The following MEGF6 variants were observed in gnomAD, a reference collection of about 807,000 sequenced individuals.
MEGF6 encodes multiple epidermal growth factor-like domains protein 6.
MEGF6 carries 184 observed loss-of-function variants against 207.1 expected under a neutral mutation model. The ratio of observed to expected loss-of-function variants is 0.89; its 90% CI spans 0.79 to 1.00. The LOEUF is 1.00. Among genes scored for constraint, MEGF6 ranks in the 50% least tolerant of loss-of-function variants. MEGF6 has a pLI of 0.00. For missense variants in MEGF6, 2,282 were observed against 2,202.9 expected, an observed-to-expected ratio of 1.04 and a Z score of -0.72; for synonymous variants, 1,038 against 910.0, an observed-to-expected ratio of 1.14 and a Z score of -2.53.
At position 3,509,184 on chromosome 1, in the gene MEGF6, G is replaced by A; in HGVS notation, c.1419C>T (p.His473=). 1.3e-6 allele frequency: 2 copies of A among 1,578,484 alleles called. No individual in the cohort carries two copies. The highest frequency in any genetic ancestry group is 1.7e-6 in the Non-Finnish European group (2 of 1,162,770). Residue 473 remains histidine (H), a synonymous_variant, in exon 12 of 37, where the codon CAC becomes CAT. Coordinates refer to ENST00000356575, the MANE Select transcript of MEGF6 (RefSeq NM_001409.4). ...GCAGCTCGTCCTGGAGCACGGCAATGTGGGGCAGGGGCCGCACGAAAGGCA... is the reference window on the plus strand; with the variant it reads ...GCAGCTCGTCCTGGAGCACGGCAATATGGGGCAGGGGCCGCACGAAAGGCA... The part of the protein sequence containing the change: ...GELPFVRPLP[H]IAVLQDELPQ...
intron 2 of MEGF6, among the ~76,000 whole-genome samples, chr1:3,601,700 G>C (rs1226062973): frequency 2.6e-5 from 4 of 152,194 alleles, no homozygotes; most frequent in African/African-American, 9.7e-5. Flanking sequence ...ATTGCTTAAC[G>C]GTTTTTTTCT....
intron 4 of MEGF6, among the ~76,000 whole-genome samples, chr1:3,536,987 G>A (rs1205198871): frequency 1.3e-5 from 2 of 152,262 alleles, no homozygotes; most frequent in African/African-American, 4.8e-5. Flanking sequence ...CTGGACACGT[G>A]CCTCTACCTC....
intron 10 of MEGF6, 63 bp from the exon 11 acceptor site, chr1:3,510,055 C>T (rs1393118481): frequency 1.9e-6 from 3 of 1,539,490 alleles, no homozygotes; most frequent in Non-Finnish European, 2.6e-6. Context: ...AAGGCCCCTG[C>T]CCACCCAGTC....
intron 4 of MEGF6, among the ~76,000 whole-genome samples, chr1:3,576,564 G>C (rs1366354591): frequency 2.0e-5 from 3 of 152,104 alleles, no homozygotes; most frequent in African/African-American, 7.2e-5. Flanking sequence ...GTGGAGGAGG[G>C]ACAGGAAGGT....
chr1:3,509,730 T>G, intron 11 of MEGF6, 140 bp downstream of exon 11: 3 of 1,153,490 alleles, frequency 2.6e-6, no homozygotes. Context: ...GCCTCTGAGG[T>G]GTGTTGGCCC....
chr1:3,587,878 AGGAGTGGC>A (rs1643914134), intron 3 of MEGF6, among the ~76,000 whole-genome samples: 1 of 131,700 alleles, frequency 7.6e-6, no homozygotes, highest in Admixed American at 7.6e-5. Flanking sequence ...AGGAGTGGCC[AGGAGTGGC>A]CAGGAGGGGG....
At chr1:3,606,261 AC>A (rs1644248556) in intron 1 of MEGF6, among the ~76,000 whole-genome samples, 1 of 152,098 alleles carries the variant, frequency 6.6e-6, no homozygotes, top group African/African-American at 2.4e-5. Flanking sequence ...CCTGGGCCCC[AC>A]CCTGGACCAC....
chr1:3,538,695 C>CGTGTGTGT (rs1330145759), intron 4 of MEGF6, among the ~76,000 whole-genome samples: 1 of 95,466 alleles, frequency 1.0e-5, no homozygotes, highest in Non-Finnish European at 2.1e-5. Context: ...AGAGCATGTG[C>CGTGTGTGT]CTGTGTGTGT....
Position 3,505,459 on chromosome 1 carries a change from G to T in MEGF6, c.2016C>A (p.Ser672=). Residue 672 remains serine (S), a synonymous_variant, in exon 16 of 37, where the codon TCC becomes TCA. Transcript: ENST00000356575. ...QSCDKRDGSC[S]CKAGFRGERC... ...GCTCGCCCCGGAAGCCAGCCTTGCA[G>T]GAGCAGCTGCCATCCCTCTTGTCAC... 1.9e-6 allele frequency: 3 copies of T among 1,609,450 alleles called. No homozygotes were observed. The highest frequency in any genetic ancestry group is 1.3e-5 in the African/African-American group (1 of 74,376).
At chr1:3,571,538 C>T (rs913523041) in intron 4 of MEGF6, among the ~76,000 whole-genome samples, 3 of 152,092 alleles carry the variant, frequency 2.0e-5, no homozygotes, top group African/African-American at 4.8e-5. Context: ...CCCCCAGACA[C>T]ACTGAGTCCT....
chr1:3,605,595 GAC>G (rs899964315), intron 1 of MEGF6, among the ~76,000 whole-genome samples: 40 of 151,482 alleles, frequency 2.6e-4, no homozygotes, highest in East Asian at 2.5e-3. Context: ...CTCATACAAT[GAC>G]ACACACACAA....
chr1:3,523,938 C>A (rs923482608), intron 5 of MEGF6, among the ~76,000 whole-genome samples, 186 bp downstream of exon 5: 1 of 152,236 alleles, frequency 6.6e-6, no homozygotes, highest in Non-Finnish European at 1.5e-5. Flanking sequence ...CTTTTACCGG[C>A]CTGAGCCTGG....
rs1421407455 is a variant in MEGF6, at chr1:3,496,680, C to A, written c.3717G>T (p.Gly1239=). 1.5e-5 allele frequency: 24 copies of A among 1,569,782 alleles called. No individual in the cohort carries two copies. Among genetic ancestry groups the A allele is most frequent in the Non-Finnish European group, 2.1e-5 (24 of 1,157,872 alleles). ...TGAGGTTGCAGTCCGTCCCGAGGAA[C>A]CCAGTGGGGCAGCGGCAGGCCCCCG... ...AATGACRCPT[G]FLGTDCNLTC... Residue 1239 remains glycine, a synonymous_variant, in exon 29 of 37, where the codon GGG becomes GGT. Transcript: ENST00000356575.
rs1644263647 is a variant in MEGF6, at chr1:3,607,298, T to C, written c.131+3840A>G. Among the ~76,000 whole-genome samples, 3 of 151,348 alleles carry C rather than the reference T, an allele frequency of 2.0e-5. No homozygotes were observed. In the South Asian group the frequency reaches 6.3e-4, roughly 32 times the overall value. On this transcript the variant is annotated intron_variant, in intron 1 of 36. Transcript: ENST00000356575. Reference sequence around the variant, plus strand: ...GTCACTCTCCCGGCCCCTGCCCGCCTGGTGCGCCCTATGTCTCCCCAATAA... The same window carrying C: ...GTCACTCTCCCGGCCCCTGCCCGCCCGGTGCGCCCTATGTCTCCCCAATAA...
At position 3,579,879 on chromosome 1, in the gene MEGF6, A is replaced by G; in HGVS notation, c.427T>C (p.Ser143Pro). The G allele has an allele frequency of 3.2e-6, 5 of 1,540,094 alleles. No individual in the cohort carries two copies. Among genetic ancestry groups the G allele is most frequent in the African/African-American group, 1.4e-5 (1 of 69,720 alleles). Residue 143 changes from serine (S) to proline (P), a missense_variant, in exon 4 of 37, where the codon TCA (serine) becomes CCA (proline). Coordinates refer to ENST00000356575, the MANE Select transcript of MEGF6 (RefSeq NM_001409.4). ...GGGGGACAGTGACACGGCTGGGCTGAGCCTGGCACACAACGGCCACCGTGA... is the reference window on the plus strand; with the variant it reads ...GGGGGACAGTGACACGGCTGGGCTGGGCCTGGCACACAACGGCCACCGTGA... ...CFHGGRCVPG[S>P]AQPCHCPPGF...
rs1293508221 is a variant in MEGF6, at chr1:3,536,463, T to A, written c.482-12217A>T. ...GCGGAGGGCTCTGGGCCGTCCCTCCTGCTAGGCTAGGGAGGAGCCCGGGCG... is the reference window on the plus strand; with the variant it reads ...GCGGAGGGCTCTGGGCCGTCCCTCCAGCTAGGCTAGGGAGGAGCCCGGGCG... On this transcript the variant is annotated intron_variant, in intron 4 of 36. Coordinates refer to ENST00000356575, the MANE Select transcript of MEGF6 (RefSeq NM_001409.4). Among the ~76,000 whole-genome samples the A allele has an allele frequency of 2.6e-5, 4 of 152,248 alleles. 1 individual carries two copies. The highest frequency in any genetic ancestry group is 2.6e-4 in the Admixed American group (4 of 15,308).
rs2101842706 is a variant in MEGF6 at position 3,594,855 on chromosome 1, G to C, written c.376+483C>G. Among the ~76,000 whole-genome samples, 1 of 152,328 alleles carries C rather than the reference G, an allele frequency of 6.6e-6. No homozygotes were observed. Among genetic ancestry groups the C allele is most frequent in the Non-Finnish European group, 1.5e-5 (1 of 68,028 alleles). ...CCAATTGTGCTGGCTACATAACGGA[G>C]AGAGGAAGGAGCGGCTCCCTTACAC... On this transcript the variant is annotated intron_variant, in intron 3 of 36. Transcript: ENST00000356575. This position sits in a 1 kb window ranked among gnomAD's most constrained non-coding sequence, Gnocchi z 4.2.
intron 4 of MEGF6, chr1:3,531,057 G>A: frequency 1.3e-6 from 2 of 1,504,974 alleles, no homozygotes; most frequent in South Asian, 1.3e-5. Context: ...CGCCCGCCCT[G>A]CCCAGGCTCG....
At chr1:3,538,323 G>C (rs1167928042) in intron 4 of MEGF6, among the ~76,000 whole-genome samples, 2 of 115,196 alleles carry the variant, frequency 1.7e-5, no homozygotes, top group African/African-American at 3.3e-5. Flanking sequence ...TCAGGAGCAG[G>C]GGGGGCCCCC....
Sources: allele counts gnomAD v4.1 joint callset (sites outside exome capture counted in the v4.1 genomes callset), GRCh38; gene constraint gnomAD v4.1.1; non-coding constraint Gnocchi (gnomAD v3.1); transcripts MANE v1.5; gene names NCBI Gene and HGNC (gene_info 2026-07-23, HGNC 2026-07-21).